The following ITGA8 variants were observed in gnomAD, a reference collection of about 807,000 sequenced individuals.
ITGA8 encodes the protein integrin subunit alpha 8, also known as integrin alpha-8.
In ITGA8, 91 loss-of-function variants were observed where a neutral mutation model predicts 142.3. The observed-to-expected ratio is 0.64, with a 90% CI of 0.54 to 0.76. ITGA8 has a LOEUF of 0.76. Ranked by LOEUF, ITGA8 falls within the 30% of genes least tolerant of loss-of-function variation. The pLI is 0.00. For synonymous variants in ITGA8, 505 were observed against 485.2 expected, an observed-to-expected ratio of 1.04 and a Z score of -0.54; for missense variants, 1,406 against 1,327.7, an observed-to-expected ratio of 1.06 and a Z score of -0.92.
chr10:15,519,289 C>T lies in ITGA8; in HGVS notation c.3105+1G>A. 1 of 1,613,414 alleles carries T rather than the reference C, an allele frequency of 6.2e-7. No homozygotes were observed. Among genetic ancestry groups the T allele is most frequent in the African/African-American group, 1.3e-5 (1 of 75,012 alleles). ...AAGGAAAACAAAGTAAATCAACTTA[C>T]CTTCCATAAAGCTAAGGTTAAAATG... On this transcript the variant is annotated splice_donor_variant, in intron 29 of 29. Coordinates refer to ENST00000378076, the MANE Select transcript of ITGA8 (RefSeq NM_003638.3). LOFTEE classifies it high-confidence loss of function.
chr10:15,659,434 A>C (rs1834245443), intron 9 of ITGA8, among the ~76,000 whole-genome samples: 1 of 152,226 alleles, frequency 6.6e-6, no homozygotes, highest in African/African-American at 2.4e-5. Flanking sequence ...TGCAAGAAAA[A>C]TTAGATTTTA....
chr10:15,610,149 C>A (rs952861040), intron 15 of ITGA8, among the ~76,000 whole-genome samples: 2 of 152,126 alleles, frequency 1.3e-5, no homozygotes, highest in Non-Finnish European at 2.9e-5. Context: ...AATAATAGCA[C>A]TCCAACCTAA....
chr10:15,525,445 C>T (rs1833154248), intron 28 of ITGA8, among the ~76,000 whole-genome samples: 1 of 151,864 alleles, frequency 6.6e-6, no homozygotes. Context: ...GAATTCAAGA[C>T]CAGCCTGGCC....
intron 25 of ITGA8, among the ~76,000 whole-genome samples, chr10:15,567,439 A>T (rs576450895): frequency 7.2e-5 from 11 of 152,304 alleles, no homozygotes; most frequent in African/African-American, 2.4e-4. Flanking sequence ...ATTGCTTTGG[A>T]TGCTGCAGAC....
At chr10:15,671,256 A>G (rs1411038189) in intron 8 of ITGA8, among the ~76,000 whole-genome samples, 2 of 152,210 alleles carry the variant, frequency 1.3e-5, no homozygotes, top group Non-Finnish European at 2.9e-5. Flanking sequence ...GGACATGTCC[A>G]ATATGAGAGG....
chr10:15,559,021 A>G (rs1833930999), intron 25 of ITGA8, among the ~76,000 whole-genome samples: 1 of 152,236 alleles, frequency 6.6e-6, no homozygotes, highest in Non-Finnish European at 1.5e-5. Flanking sequence ...CTTTGTAGTC[A>G]CAGGAGCAAT....
intron 11 of ITGA8, among the ~76,000 whole-genome samples, chr10:15,647,755 C>T (rs2131654835): frequency 6.6e-6 from 1 of 152,234 alleles, no homozygotes; most frequent in African/African-American, 2.4e-5. Context: ...AGCCACCGCG[C>T]CCGGCCAATT....
chr10:15,572,739 T>G (rs946948444), intron 24 of ITGA8, among the ~76,000 whole-genome samples: 2 of 152,246 alleles, frequency 1.3e-5, no homozygotes, highest in Non-Finnish European at 2.9e-5. Flanking sequence ...CTCTTTACAT[T>G]GAAATCTGCC....
chr10:15,665,119 T>G (rs1834362629), intron 8 of ITGA8, among the ~76,000 whole-genome samples: 2 of 152,222 alleles, frequency 1.3e-5, no homozygotes, highest in African/African-American at 2.4e-5. Context: ...TGAACTAGTT[T>G]ACAGTTCCAC....
chr10:15,678,832 TA>T (rs1834682512), intron 4 of ITGA8, 49 bp from the exon 5 acceptor site: 2 of 1,187,210 alleles, frequency 1.7e-6, no homozygotes, highest in Non-Finnish European at 2.5e-6. Context: ...ATTCCTGAAA[TA>T]TTTTTTAATA....
At chr10:15,671,829 C>G (rs1834527013) in intron 7 of ITGA8, among the ~76,000 whole-genome samples, 182 bp from the exon 8 acceptor site, 1 of 138,304 alleles carries the variant, frequency 7.2e-6, no homozygotes. Context: ...CACTTTTATA[C>G]TAAGTCCTGA....
rs552285377 is a variant in ITGA8 at position 15,615,310 on chromosome 10, G to A, written c.1445+1204C>T. Among the ~76,000 whole-genome samples the A allele has an allele frequency of 1.8e-3, 268 of 152,296 alleles. 1 individual carries two copies. Among genetic ancestry groups the A allele is most frequent in the African/African-American group, 6.3e-3 (261 of 41,564 alleles). On this transcript the variant is annotated intron_variant, in intron 14 of 29. Transcript: ENST00000378076. ...TTCTCTAGAACCTTAAGTGGGATAT[G>A]GCTGGTACAAGTCAACCCTCTCTGA...
chr10:15,683,944 C>T, intron 4 of ITGA8, 60 bp downstream of exon 4: 2 of 1,602,048 alleles, frequency 1.2e-6, no homozygotes, highest in Middle Eastern at 1.7e-4. Context: ...ACCTGCACTC[C>T]TGTCTACGAT....
At chr10:15,578,051 T>C (rs1834332648) in intron 23 of ITGA8, among the ~76,000 whole-genome samples, 1 of 152,150 alleles carries the variant, frequency 6.6e-6, no homozygotes, top group South Asian at 2.1e-4. Flanking sequence ...TCCCCAATGG[T>C]AACAGCTTGC....
intron 5 of ITGA8, among the ~76,000 whole-genome samples, chr10:15,678,210 A>C (rs921154207): frequency 2.6e-5 from 4 of 152,122 alleles, no homozygotes; most frequent in African/African-American, 9.6e-5. Flanking sequence ...AGAATGATAA[A>C]AGACAGTAAA....
At chr10:15,608,846 T>C (rs1369546811) in intron 15 of ITGA8, among the ~76,000 whole-genome samples, 2 of 152,106 alleles carry the variant, frequency 1.3e-5, no homozygotes, top group East Asian at 3.9e-4. Context: ...GCACATGGTA[T>C]GCTTAACTTA....
At chr10:15,694,626 TTAA>T (rs1402829238) in intron 2 of ITGA8, among the ~76,000 whole-genome samples, 1 of 136,976 alleles carries the variant, frequency 7.3e-6, no homozygotes, top group African/African-American at 2.6e-5. Context: ...ATTTTATTTA[TTAA>T]TATATTTATA....
chr10:15,658,196 A>G (rs1228495016), intron 10 of ITGA8, among the ~76,000 whole-genome samples: 1 of 152,212 alleles, frequency 6.6e-6, no homozygotes, highest in Non-Finnish European at 1.5e-5. Flanking sequence ...CAAAGAGGTC[A>G]GATGATTTTC....
intron 13 of ITGA8, among the ~76,000 whole-genome samples, chr10:15,641,620 T>A (rs1189316894): frequency 2.0e-5 from 3 of 152,170 alleles, no homozygotes; most frequent in Non-Finnish European, 4.4e-5. Context: ...TCTACCAAGA[T>A]GCATGGATGA....
Sources: gnomAD v4.1 joint callset for allele counts (sites outside exome capture counted in the v4.1 genomes callset) on GRCh38, gnomAD v4.1.1 for gene constraint, MANE v1.5 for transcripts, NCBI Gene and HGNC (gene_info 2026-07-23, HGNC 2026-07-21) for gene names.